Variants in CACNA1B observed in about 807,000 individuals in gnomAD.
CACNA1B encodes voltage-dependent N-type calcium channel subunit alpha-1B.
A neutral mutation model predicts 247.2 loss-of-function variants in CACNA1B; 70 were observed. The observed-to-expected ratio is 0.28, with a 90% CI of 0.23 to 0.35. The LOEUF (loss-of-function observed/expected upper bound fraction) is 0.35, where lower values mean the gene tolerates loss of function less well. CACNA1B is among the 10% of genes least tolerant of loss of function. The pLI, the probability that CACNA1B is intolerant of heterozygous loss-of-function variation, is 1.00. For missense variants in CACNA1B, 2,367 were observed against 3,197.4 expected, an observed-to-expected ratio of 0.74 and a Z score of 6.26; for synonymous variants, 1,231 against 1,294.4, an observed-to-expected ratio of 0.95 and a Z score of 1.05.
At chr9:138,097,262 G>A (rs1245537037) in intron 37 of CACNA1B, among the ~76,000 whole-genome samples, 3 of 152,142 alleles carry the variant, frequency 2.0e-5, no homozygotes, top group African/African-American at 7.2e-5. Context: ...TTGTTTCAAA[G>A]GCGAGGGGTG....
rs557522151 is a variant in CACNA1B, at chr9:138,073,983, C to T, written c.4792-18C>T. On this transcript the variant is annotated intron_variant, in intron 33 of 46. Transcript: ENST00000371372. This position sits in a 1 kb window ranked among gnomAD's most constrained non-coding sequence, Gnocchi z 6.4. ...TGGCTGGGAGGTGCCTGTAGCTGACCGGCCCCTGTCTCCGCAGGCCCTGCC... is the reference window on the plus strand; with the variant it reads ...TGGCTGGGAGGTGCCTGTAGCTGACTGGCCCCTGTCTCCGCAGGCCCTGCC... 1.4e-5 allele frequency: 22 copies of T among 1,606,974 alleles called. No individual in the cohort carries two copies. The highest frequency in any genetic ancestry group is 1.7e-4 in the Middle Eastern group (1 of 6,056).
chr9:138,115,469 C>T, intron 41 of CACNA1B, 83 bp from the exon 42 acceptor site: 2 of 1,444,506 alleles, frequency 1.4e-6, no homozygotes, highest in East Asian at 4.8e-5. Flanking sequence ...GCTTTTGCCC[C>T]ATGCCACATG....
intron 3 of CACNA1B, among the ~76,000 whole-genome samples, chr9:137,900,362 C>G (rs2133257349): frequency 6.6e-6 from 1 of 152,256 alleles, no homozygotes; most frequent in Admixed American, 6.5e-5. Context: ...GGAGCACTCC[C>G]CGACCTTGGG....
chr9:138,034,207 TGAGTAA>T (rs921765408), intron 20 of CACNA1B, among the ~76,000 whole-genome samples: 17 of 152,120 alleles, frequency 1.1e-4, no homozygotes, highest in African/African-American at 4.1e-4. Flanking sequence ...CTTGCTCCAT[TGAGTAA>T]GAGGAAGAGA....
rs1956933639 is a variant in CACNA1B at position 137,882,263 on chromosome 9, C to T, written c.391-481C>T. On this transcript the variant is annotated intron_variant, in intron 2 of 46. Transcript: ENST00000371372. This position sits in a 1 kb window ranked among gnomAD's most constrained non-coding sequence, Gnocchi z 4.0. ...GCCTCTGCCTGGCTCCTGGGCATCT[C>T]TGTGCCTCTGTCTCCCACATGTTAG... 6.6e-6 allele frequency among the ~76,000 whole-genome samples: 1 copy of T among 152,210 alleles called. No individual in the cohort carries two copies. Among genetic ancestry groups the T allele is most frequent in the African/African-American group, 2.4e-5 (1 of 41,446 alleles).
At chr9:137,940,959 A>T (rs1485762392) in intron 6 of CACNA1B, among the ~76,000 whole-genome samples, 1 of 152,174 alleles carries the variant, frequency 6.6e-6, no homozygotes, top group Non-Finnish European at 1.5e-5. Flanking sequence ...TCAACATAAT[A>T]CAGAATGGGG....
chr9:137,908,803 T>A (rs9695971), intron 3 of CACNA1B, among the ~76,000 whole-genome samples: 8,533 of 150,460 alleles, frequency 0.057, 270 homozygotes, highest in Non-Finnish European at 0.064. Context: ...GCTAATTTTT[T>A]TGTATTTTTA....
At chr9:137,989,923 C>T (rs765207982) in intron 15 of CACNA1B, among the ~76,000 whole-genome samples, 3 of 152,124 alleles carry the variant, frequency 2.0e-5, no homozygotes, top group African/African-American at 2.4e-5. Context: ...AGGTCAGAAT[C>T]GGATTAAGAT....
At chr9:137,893,433 G>A (rs1218166083) in intron 3 of CACNA1B, among the ~76,000 whole-genome samples, 1 of 149,470 alleles carries the variant, frequency 6.7e-6, no homozygotes, top group African/African-American at 2.5e-5. Context: ...GGCAGATCAC[G>A]AGGTCAGGAG....
At position 137,882,967 on chromosome 9, in the gene CACNA1B, C is replaced by A; in HGVS notation, c.530+84C>A. 6.9e-7 allele frequency: 1 copy of A among 1,449,762 alleles called. No homozygotes were observed. The highest frequency in any genetic ancestry group is 1.2e-5 in the South Asian group (1 of 85,878). The allele number at this position is 1,449,762 out of a possible 1,614,324, so 89.8% of individuals were successfully genotyped here. A position where few individuals can be genotyped will look rare whatever the true frequency, so the allele number is the denominator to read the frequency against. On this transcript the variant is annotated intron_variant, in intron 3 of 46. Transcript: ENST00000371372. This position sits in a 1 kb window ranked among gnomAD's most constrained non-coding sequence, Gnocchi z 4.0. Reference sequence around the variant, plus strand: ...GCTCAGTTGCGCCGTGGAGCTGGGGCAGCTGCAGTCCCCTCACTGGGGTCC... The same window carrying A: ...GCTCAGTTGCGCCGTGGAGCTGGGGAAGCTGCAGTCCCCTCACTGGGGTCC...
chr9:137,932,603 C>T (rs1957620576), intron 6 of CACNA1B, among the ~76,000 whole-genome samples: 1 of 152,126 alleles, frequency 6.6e-6, no homozygotes, highest in Non-Finnish European at 1.5e-5. Context: ...TCTCTTTTCC[C>T]AGTGGAGGTA....
Position 137,917,261 on chromosome 9 carries a change from T to G in CACNA1B, c.796T>G (p.Phe266Val). Residue 266 changes from phenylalanine to valine, a missense_variant, in exon 6 of 47, where the codon TTC becomes GTC. Phe to Val is a conservative substitution (Grantham distance 50). Around this residue, in one of 12 missense-constraint regions of CACNA1B, gnomAD observed 130 missense variants for 338.7 expected, o/e 0.38. Transcript: ENST00000371372. This position sits in a 1 kb window ranked among gnomAD's most constrained non-coding sequence, Gnocchi z 5.5. ...TGCAGATGCGGAGCCCGTGGGTGAC[T>G]TCCCCTGTGGCAAGGAGGCCCCAGC... ...NSTDAEPVGDFPCGKEAPARL... is the reference protein window; with the variant it reads ...NSTDAEPVGDVPCGKEAPARL... The G allele has an allele frequency of 6.2e-7, 1 of 1,613,464 alleles. No individual in the cohort carries two copies. Among genetic ancestry groups the G allele is most frequent in the Non-Finnish European group, 8.5e-7 (1 of 1,179,608 alleles).
chr9:137,975,280 G>A (rs1385636566), intron 11 of CACNA1B, among the ~76,000 whole-genome samples: 1 of 152,184 alleles, frequency 6.6e-6, no homozygotes, highest in Non-Finnish European at 1.5e-5. Flanking sequence ...CAGTGCAAGG[G>A]GACAGTGCCT....
At chr9:137,933,673 C>T (rs1054190117) in intron 6 of CACNA1B, among the ~76,000 whole-genome samples, 1 of 152,144 alleles carries the variant, frequency 6.6e-6, no homozygotes, top group African/African-American at 2.4e-5. Flanking sequence ...ATCAGGATGG[C>T]AGTATATTTA....
At chr9:137,926,359 C>T (rs370557328) in intron 6 of CACNA1B, among the ~76,000 whole-genome samples, 9 of 152,290 alleles carry the variant, frequency 5.9e-5, no homozygotes, top group Admixed American at 1.3e-4. Context: ...TAAGCCACTG[C>T]GCCCAGCCAC....
Position 138,022,993 on chromosome 9 carries a change from C to T in CACNA1B, c.2268-18C>T. The T allele has an allele frequency of 1.4e-6, 2 of 1,479,408 alleles. No individual in the cohort carries two copies. Among genetic ancestry groups the T allele is most frequent in the Non-Finnish European group, 1.8e-6 (2 of 1,122,340 alleles). The allele number at this position is 1,479,408 out of a possible 1,614,324, so 91.6% of individuals were successfully genotyped here. A position where few individuals can be genotyped will look rare whatever the true frequency, so the allele number is the denominator to read the frequency against. On this transcript the variant is annotated intron_variant, in intron 18 of 46. Coordinates refer to ENST00000371372, the MANE Select transcript of CACNA1B (RefSeq NM_000718.4). ...CGGGCGGCAGACGGGGCCGCGCTCA[C>T]CGCCAGTCTCCCCGCAGCAGGCAGC...
In CACNA1B at chr9:137,971,671, G is replaced by A; in HGVS notation, c.1543+79G>A. 2 of 1,266,584 alleles carry A rather than the reference G, an allele frequency of 1.6e-6. No individual in the cohort carries two copies. The allele number at this position is 1,266,584 out of a possible 1,614,324, so 78.5% of individuals were successfully genotyped here. ...CTGGAAACCCTGGTCCATGCCCTGG[G>A]GCTACCCCAGGTGGGACGGGACCCA... On this transcript the variant is annotated intron_variant, in intron 11 of 46. Transcript: ENST00000371372. The surrounding 1 kb of genome is among the most constrained non-coding windows in gnomAD (Gnocchi z 4.4).
chr9:138,049,252 G>A lies in CACNA1B; in HGVS notation c.3647G>A (p.Arg1216Gln). 5 of 1,613,748 alleles carry A rather than the reference G, an allele frequency of 3.1e-6. No individual in the cohort carries two copies. Among genetic ancestry groups the A allele is most frequent in the East Asian group, 2.2e-5 (1 of 44,876 alleles). ...CTGCTTCACCCTGGAGCCTATTTCC[G>A]GGACTTGTGGAACATTCTGGACTTC... is the stretch of plus-strand genomic sequence containing the variant. ...GLLLHPGAYF[R>Q]DLWNILDFIV... The change falls in exon 24 of 47, where the codon CGG (arginine) becomes CAG (glutamine). Residue 1216 changes from arginine (R) to glutamine (Q), a missense_variant. Physicochemically the swap from Arg to Gln is conservative, Grantham distance 43. Coordinates refer to ENST00000371372, the MANE Select transcript of CACNA1B (RefSeq NM_000718.4).
chr9:137,941,981 G>C (rs1308477680), intron 6 of CACNA1B, among the ~76,000 whole-genome samples: 1 of 152,112 alleles, frequency 6.6e-6, no homozygotes, highest in Non-Finnish European at 1.5e-5. Context: ...ATAAATAGCT[G>C]GGACTTAATT....
Sources: gnomAD v4.1 joint callset for allele counts (sites outside exome capture counted in the v4.1 genomes callset) on GRCh38, gnomAD v4.1.1 for gene constraint, gnomAD v4.1.1 regional missense constraint, Gnocchi (gnomAD v3.1) non-coding constraint, MANE v1.5 for transcripts, NCBI Gene and HGNC (gene_info 2026-07-23, HGNC 2026-07-21) for gene names.